The following GALNT17 variants were observed in gnomAD, a reference collection of about 807,000 sequenced individuals.
GALNT17 encodes the protein UDP-GalNAc:polypeptide N-acetylgalactosaminyltransferase-like 3.
Under a neutral mutation model 63.7 loss-of-function variants are expected in GALNT17, and 29 were observed. The observed-to-expected ratio is 0.46, with a 90% CI of 0.34 to 0.62. The LOEUF is 0.62. Ranked by LOEUF, GALNT17 falls within the 20% of genes least tolerant of loss-of-function variation. The pLI, the probability that GALNT17 is intolerant of heterozygous loss-of-function variation, is 0.01. For missense variants in GALNT17, 603 were observed against 799.6 expected, an observed-to-expected ratio of 0.75 and a Z score of 2.97; for synonymous variants, 305 against 318.3, an observed-to-expected ratio of 0.96 and a Z score of 0.45.
At chr7:71,192,595 C>G (rs1788972700) in intron 1 of GALNT17, among the ~76,000 whole-genome samples, 1 of 152,064 alleles carries the variant, frequency 6.6e-6, no homozygotes, top group Non-Finnish European at 1.5e-5. Context: ...GGGGTTTTGC[C>G]ATGTTGGCCA....
rs148954864 is a variant in GALNT17 at position 71,529,285 on chromosome 7, C to T, written c.963-42000C>T. ...TAATACCATCTCTCTATGTTTACAA[C>T]TCCAATATCTTCAAGGGATGGGGGG... On this transcript the variant is annotated intron_variant, in intron 5 of 10. Transcript: ENST00000333538. Among the ~76,000 whole-genome samples the T allele has an allele frequency of 2.7e-4, 41 of 150,738 alleles. 1 individual carries two copies. The East Asian group carries it at 6.1e-3, about 23-fold the overall frequency.
chr7:71,195,804 C>T (rs1239362656), intron 1 of GALNT17, among the ~76,000 whole-genome samples: 1 of 151,940 alleles, frequency 6.6e-6, no homozygotes, highest in East Asian at 1.9e-4. Context: ...CCACCTCATC[C>T]TCTCAAAGCG....
At chr7:71,491,104 G>A (rs549634098) in intron 5 of GALNT17, among the ~76,000 whole-genome samples, 27 of 152,276 alleles carry the variant, frequency 1.8e-4, no homozygotes, top group African/African-American at 6.5e-4. Flanking sequence ...TGAGGCAGGA[G>A]AATCACTTGA....
At chr7:71,272,572 T>G (rs1208035726) in intron 1 of GALNT17, among the ~76,000 whole-genome samples, 1 of 152,186 alleles carries the variant, frequency 6.6e-6, no homozygotes, top group Non-Finnish European at 1.5e-5. Context: ...AGGGCAGGAA[T>G]GTCTTGGGGG....
At chr7:71,356,702 GC>G (rs1792292948) in intron 2 of GALNT17, among the ~76,000 whole-genome samples, 1 of 152,178 alleles carries the variant, frequency 6.6e-6, no homozygotes, top group Non-Finnish European at 1.5e-5. Flanking sequence ...CTTCCAGTGG[GC>G]CCCGCCTCCA....
chr7:71,247,611 C>T lies in GALNT17; in HGVS notation c.239-87939C>T, dbSNP rs192880994. 3.0e-3 allele frequency among the ~76,000 whole-genome samples: 451 copies of T among 152,228 alleles called. 4 individuals carry two copies. The highest frequency in any genetic ancestry group is 0.01 in the African/African-American group (417 of 41,556). Reference sequence around the variant, plus strand: ...AGCTGGGATTACAGGCATGCGCCATCGTGTCTGGGTGATTTTTGTATTTTT... The same window carrying T: ...AGCTGGGATTACAGGCATGCGCCATTGTGTCTGGGTGATTTTTGTATTTTT... On this transcript the variant is annotated intron_variant, in intron 1 of 10. Transcript: ENST00000333538.
intron 2 of GALNT17, among the ~76,000 whole-genome samples, chr7:71,343,137 C>G (rs1301575067): frequency 6.6e-6 from 1 of 152,192 alleles, no homozygotes; most frequent in Non-Finnish European, 1.5e-5. Context: ...CTAATCCTAG[C>G]CATCAAAGAG....
intron 9 of GALNT17, among the ~76,000 whole-genome samples, chr7:71,701,484 C>G (rs1446497229): frequency 6.7e-6 from 1 of 150,372 alleles, no homozygotes; most frequent in Admixed American, 6.6e-5. Flanking sequence ...GAGACTCTAT[C>G]TCAAAAAAGA....
At chr7:71,611,647 C>A (rs753390111) in intron 6 of GALNT17, among the ~76,000 whole-genome samples, 24 of 151,416 alleles carry the variant, frequency 1.6e-4, no homozygotes, top group Non-Finnish European at 2.7e-4. Context: ...GTCATACATC[C>A]AAAAAAAACA....
At chr7:71,260,173 C>CTGT (rs1224875989) in intron 1 of GALNT17, among the ~76,000 whole-genome samples, 13 of 152,144 alleles carry the variant, frequency 8.5e-5, no homozygotes, top group Non-Finnish European at 7.4e-5. Flanking sequence ...GTTCCATGGG[C>CTGT]TGTCTAGAAA....
At chr7:71,324,618 A>T (rs779115403) in intron 1 of GALNT17, among the ~76,000 whole-genome samples, 1 of 152,192 alleles carries the variant, frequency 6.6e-6, no homozygotes, top group Non-Finnish European at 1.5e-5. Flanking sequence ...ATATCATGCC[A>T]CTGCACTGCA....
chr7:71,406,634 T>A (rs898527237), intron 3 of GALNT17, among the ~76,000 whole-genome samples: 5 of 152,136 alleles, frequency 3.3e-5, no homozygotes, highest in Non-Finnish European at 7.4e-5. Flanking sequence ...ATAATATTTT[T>A]AAAATATTTT....
intron 3 of GALNT17, among the ~76,000 whole-genome samples, chr7:71,397,672 C>T (rs774152252): frequency 3.9e-5 from 6 of 152,178 alleles, no homozygotes; most frequent in Non-Finnish European, 7.3e-5. Flanking sequence ...GCGTTGTTGT[C>T]GTCTTGGATC....
intron 1 of GALNT17, among the ~76,000 whole-genome samples, chr7:71,268,309 A>G (rs1236831857): frequency 6.6e-6 from 1 of 151,484 alleles, no homozygotes; most frequent in Admixed American, 6.6e-5. Flanking sequence ...TGGGAGGTCG[A>G]GGTGGGTGGA....
intron 1 of GALNT17, among the ~76,000 whole-genome samples, chr7:71,171,535 A>G (rs901077219): frequency 1.3e-5 from 2 of 152,190 alleles, no homozygotes; most frequent in Admixed American, 1.3e-4. Context: ...AGAATATGAA[A>G]CGTAAAACAA....
chr7:71,332,853 A>G (rs1050664135), intron 1 of GALNT17, among the ~76,000 whole-genome samples: 1 of 151,928 alleles, frequency 6.6e-6, no homozygotes, highest in African/African-American at 2.4e-5. Context: ...CACCACACCC[A>G]GCTAATTGTA....
chr7:71,522,590 A>T (rs993582620), intron 5 of GALNT17, among the ~76,000 whole-genome samples: 2 of 152,154 alleles, frequency 1.3e-5, no homozygotes, highest in Non-Finnish European at 2.9e-5. Flanking sequence ...ACCCTCCCCC[A>T]TAATTCAGTC....
chr7:71,669,587 A>C, intron 7 of GALNT17, among the ~76,000 whole-genome samples: 1 of 147,236 alleles, frequency 6.8e-6, no homozygotes, highest in Non-Finnish European at 1.5e-5. Context: ...TTTGAGACAA[A>C]GTCTCGCACT....
chr7:71,336,006 TCCTTCTTCTTCCTTCTTCTTTCTTCC>T (rs1791895414), intron 2 of GALNT17, among the ~76,000 whole-genome samples: 1 of 86,546 alleles, frequency 1.2e-5, no homozygotes, highest in South Asian at 3.9e-4. Context: ...TTCTTCTTCT[TCCTTCTTCTTCCTTCTTCTTTCTTCC>T]TTTTTTTTTT....
Sources: gnomAD v4.1 joint callset for allele counts (sites outside exome capture counted in the v4.1 genomes callset) on GRCh38, gnomAD v4.1.1 for gene constraint, MANE v1.5 for transcripts, NCBI Gene and HGNC (gene_info 2026-07-23, HGNC 2026-07-21) for gene names.